Variants in KCNB2 observed in about 807,000 individuals in gnomAD.
KCNB2 encodes the protein delayed rectifier potassium channel protein.
A neutral mutation model predicts 61.5 loss-of-function variants in KCNB2; 15 were observed. That is an observed-to-expected ratio of 0.24 (90% CI 0.16 to 0.38). The LOEUF (loss-of-function observed/expected upper bound fraction) is 0.38. KCNB2 is among the 10% of genes least tolerant of loss of function. The pLI is 1.00. For missense variants in KCNB2, 828 were observed against 1,125.2 expected (o/e 0.74, Z 3.78); for synonymous variants, 457 against 446.0 (o/e 1.02, Z -0.31).
chr8:72,807,072 G>C (rs933193600), intron 2 of KCNB2, among the ~76,000 whole-genome samples: 3 of 152,190 alleles, frequency 2.0e-5, no homozygotes, highest in Non-Finnish European at 2.9e-5. Flanking sequence ...GTTTCCTAGA[G>C]AGGGTGCAGC....
intron 2 of KCNB2, among the ~76,000 whole-genome samples, chr8:72,924,887 C>G (rs1276736888): frequency 6.6e-6 from 1 of 152,128 alleles, no homozygotes. Flanking sequence ...TAGCAGCCTC[C>G]CATAACAGCA....
intron 1 of KCNB2, among the ~76,000 whole-genome samples, chr8:72,540,838 TTTGC>T (rs766968156): frequency 4.0e-4 from 61 of 152,234 alleles, no homozygotes; most frequent in Middle Eastern, 3.4e-3. Flanking sequence ...TTTAACTATC[TTTGC>T]TATCTGATTT....
intron 2 of KCNB2, among the ~76,000 whole-genome samples, chr8:72,905,911 G>A (rs138356738): frequency 2.0e-5 from 3 of 152,258 alleles, no homozygotes; most frequent in African/African-American, 7.2e-5. Flanking sequence ...TGCCCATGAA[G>A]GAGTTTAGAA....
At chr8:72,760,294 C>T (rs1808356619) in intron 2 of KCNB2, among the ~76,000 whole-genome samples, 1 of 152,202 alleles carries the variant, frequency 6.6e-6, no homozygotes, top group South Asian at 2.1e-4. Context: ...ACCTATCAGG[C>T]TGCTGTGAGC....
intron 2 of KCNB2, among the ~76,000 whole-genome samples, chr8:72,889,626 G>A (rs972253375): frequency 1.3e-5 from 2 of 152,044 alleles, no homozygotes; most frequent in Non-Finnish European, 2.9e-5. Flanking sequence ...GGTGGAGGCT[G>A]CAGTGAGCCA....
intron 2 of KCNB2, among the ~76,000 whole-genome samples, chr8:72,783,113 C>CT (rs1397348488): frequency 2.6e-5 from 4 of 152,136 alleles, no homozygotes; most frequent in Non-Finnish European, 5.9e-5. Context: ...GTTCTAAGAA[C>CT]TTTACAGATA....
chr8:72,551,372 A>T (rs1433394901), intron 1 of KCNB2, among the ~76,000 whole-genome samples: 1 of 152,022 alleles, frequency 6.6e-6, no homozygotes, highest in African/African-American at 2.4e-5. Context: ...CCAAAGCATC[A>T]CTAGTAGAAA....
intron 1 of KCNB2, among the ~76,000 whole-genome samples, chr8:72,546,580 C>T (rs978503715): frequency 2.8e-4 from 43 of 151,536 alleles, no homozygotes; most frequent in African/African-American, 1.0e-3. Flanking sequence ...CAGCAAGTTA[C>T]CCACAATATT....
At chr8:72,795,684 G>A (rs749139118) in intron 2 of KCNB2, among the ~76,000 whole-genome samples, 18 of 152,126 alleles carry the variant, frequency 1.2e-4, no homozygotes, top group Non-Finnish European at 1.6e-4. Flanking sequence ...GTCCTAAAAT[G>A]CCTCATACAT....
intron 2 of KCNB2, among the ~76,000 whole-genome samples, chr8:72,844,091 C>T (rs12541420): frequency 0.85 from 129,846 of 152,214 alleles, 56,346 homozygotes; most frequent in Middle Eastern, 0.97. Flanking sequence ...TTCCTTTCCA[C>T]GTTTAGTGCT....
chr8:72,542,588 T>G (rs1806206275), intron 1 of KCNB2, among the ~76,000 whole-genome samples: 1 of 152,158 alleles, frequency 6.6e-6, no homozygotes, highest in Admixed American at 6.6e-5. Flanking sequence ...AATCATTTGA[T>G]TTACATAATG....
At chr8:72,835,858 G>T (rs1585920796) in intron 2 of KCNB2, among the ~76,000 whole-genome samples, 1 of 152,252 alleles carries the variant, frequency 6.6e-6, no homozygotes, top group East Asian at 1.9e-4. Context: ...CATTCAACAG[G>T]TGCTGCGCTA....
chr8:72,778,798 GAAAA>G lies in KCNB2; in HGVS notation c.580-157135_580-157132del, dbSNP rs1239375859. The stretch of plus-strand genomic sequence containing the variant: ...AAAGAAAAAGAAAAGAAAAGAAAAA[GAAAA>G]AGAAAGAATTCTTTCCAATTAAATA... On this transcript the variant is annotated intron_variant, in intron 2 of 2. Transcript: ENST00000523207. Among the ~76,000 whole-genome samples, 24 of 70,402 alleles carry G rather than the reference GAAAA, an allele frequency of 3.4e-4. No individual in the cohort carries two copies. In the East Asian group the frequency reaches 9.7e-3, roughly 28 times the overall value. The allele number at this position is 70,402 out of a possible 152,430, so 46.2% of individuals were successfully genotyped here.
chr8:72,559,023 G>C (rs983942047), intron 1 of KCNB2, among the ~76,000 whole-genome samples: 2 of 152,170 alleles, frequency 1.3e-5, no homozygotes, highest in African/African-American at 4.8e-5. Flanking sequence ...GAGAGAGAGG[G>C]CTGGGGGGAG....
At chr8:72,738,760 G>A (rs895578954) in intron 2 of KCNB2, among the ~76,000 whole-genome samples, 7 of 152,090 alleles carry the variant, frequency 4.6e-5, no homozygotes, top group Non-Finnish European at 8.8e-5. Context: ...CTCAGTACCA[G>A]GGCACAGAGG....
At position 72,917,133 on chromosome 8, in the gene KCNB2, C is replaced by T. The variant is rs531451073; in HGVS notation, c.580-18802C>T. Among the ~76,000 whole-genome samples, 5 of 152,250 alleles carry T rather than the reference C, an allele frequency of 3.3e-5. No individual in the cohort carries two copies. The East Asian group carries it at 9.7e-4, about 29-fold the overall frequency. On this transcript the variant is annotated intron_variant, in intron 2 of 2. Transcript: ENST00000523207. The stretch of plus-strand genomic sequence containing the variant: ...CCTATCAGTTTCTAGACATAAACAA[C>T]AGTAAATCATTAATCTGAGAAGGAA...
At chr8:72,779,009 T>C (rs1585888684) in intron 2 of KCNB2, among the ~76,000 whole-genome samples, 1 of 152,052 alleles carries the variant, frequency 6.6e-6, no homozygotes, top group Middle Eastern at 3.4e-3. Context: ...AGGCAGCCAA[T>C]TGGAAGTTGT....
intron 1 of KCNB2, among the ~76,000 whole-genome samples, chr8:72,561,531 A>C (rs1806511994): frequency 6.6e-6 from 1 of 150,916 alleles, no homozygotes; most frequent in Non-Finnish European, 1.5e-5. Context: ...CCACTTTCTA[A>C]GGACAAGGAC....
At chr8:72,725,598 T>C (rs1241051976) in intron 2 of KCNB2, among the ~76,000 whole-genome samples, 78 of 107,444 alleles carry the variant, frequency 7.3e-4, no homozygotes, top group Non-Finnish European at 6.3e-4. Context: ...TATGTATATA[T>C]ATATATATAT....
Sources: allele counts gnomAD v4.1 joint callset (sites outside exome capture counted in the v4.1 genomes callset), GRCh38; gene constraint gnomAD v4.1.1; transcripts MANE v1.5; gene names NCBI Gene and HGNC (gene_info 2026-07-23, HGNC 2026-07-21).